TIAM1: variants seen among roughly 807,000 people sequenced by gnomAD.
TIAM1 encodes the protein TIAM Rac1 associated GEF 1.
Under a neutral mutation model 163.5 loss-of-function variants are expected in TIAM1, and 65 were observed. The ratio of observed to expected loss-of-function variants is 0.40; its 90% CI spans 0.33 to 0.49. The LOEUF (loss-of-function observed/expected upper bound fraction) is 0.49. Ranked by LOEUF, TIAM1 falls within the 20% of genes least tolerant of loss-of-function variation. The pLI is 0.77. For missense variants in TIAM1, 1,789 were observed against 2,044.7 expected (o/e 0.87, Z 2.41); for synonymous variants, 833 against 810.1 (o/e 1.03, Z -0.48).
chr21:31,138,481 C>T (rs2082709027), intron 22 of TIAM1, among the ~76,000 whole-genome samples: 1 of 152,220 alleles, frequency 6.6e-6, no homozygotes, highest in Non-Finnish European at 1.5e-5. Context: ...TCAATCCATT[C>T]TAGGCTGTTA....
chr21:31,136,089 C>G (rs1475009086), intron 22 of TIAM1, 48 bp from the exon 23 acceptor site: 12 of 1,476,548 alleles, frequency 8.1e-6, no homozygotes, highest in South Asian at 7.3e-5. Flanking sequence ...GTTATCAATA[C>G]TCAGATTTTC....
chr21:31,345,714 G>A (rs960853833), upstream of TIAM1, among the ~76,000 whole-genome samples: 1 of 152,188 alleles, frequency 6.6e-6, no homozygotes, highest in African/African-American at 2.4e-5. Flanking sequence ...ACTTCGGAAG[G>A]CTGAGGCAGG....
intron 2 of TIAM1, among the ~76,000 whole-genome samples, chr21:31,399,381 T>C (rs561987429): frequency 6.6e-6 from 1 of 152,296 alleles, no homozygotes; most frequent in Non-Finnish European, 1.5e-5. Flanking sequence ...GTTTTAAAAA[T>C]AATAAATTAA....
At chr21:31,420,340 TCTC>T (rs1353626064) in intron 2 of TIAM1, among the ~76,000 whole-genome samples, 2 of 152,134 alleles carry the variant, frequency 1.3e-5, no homozygotes, top group Admixed American at 1.3e-4. Flanking sequence ...ACCAGAGCCT[TCTC>T]CTCTTCTGTT....
At chr21:31,192,559 T>A (rs2085613922) in intron 13 of TIAM1, among the ~76,000 whole-genome samples, 1 of 151,792 alleles carries the variant, frequency 6.6e-6, no homozygotes, top group East Asian at 1.9e-4. Flanking sequence ...TGGAGTGAGC[T>A]GAGATCGCGC....
In TIAM1 at chr21:31,452,568, C is replaced by T. The variant is rs557399385; in HGVS notation, c.-369+11415G>A. The T allele has an allele frequency of 1.4e-4, 85 of 601,238 alleles. No homozygotes were observed. In the South Asian group the frequency reaches 1.4e-3, roughly 10 times the overall value. The allele number at this position is 601,238 out of a possible 1,614,324, so 37.2% of individuals were successfully genotyped here. The stretch of plus-strand genomic sequence containing the variant: ...CCGAGGGACACCTTCGTCACACAAA[C>T]TCTGTACTTCCTGGAATCGATATAG... On this transcript the variant is annotated intron_variant, in intron 2 of 28. Transcript: ENST00000286827.
At chr21:31,329,497 C>T (rs868060559) in intron 2 of TIAM1, among the ~76,000 whole-genome samples, 3 of 152,186 alleles carry the variant, frequency 2.0e-5, no homozygotes, top group South Asian at 2.1e-4. Context: ...CATTCAAATA[C>T]GACCAAATCC....
chr21:31,214,988 G>A (rs1036626803), intron 9 of TIAM1, among the ~76,000 whole-genome samples: 6 of 152,126 alleles, frequency 3.9e-5, no homozygotes, highest in African/African-American at 1.4e-4. Flanking sequence ...CTACTGGTAT[G>A]TTTATGGCTA....
intron 2 of TIAM1, among the ~76,000 whole-genome samples, chr21:31,362,511 G>A (rs1170232340): frequency 6.6e-6 from 1 of 151,134 alleles, no homozygotes; most frequent in Non-Finnish European, 1.5e-5. Context: ...TTGTCACCCA[G>A]GCTGGAGGGC....
At chr21:31,219,416 CCA>C (rs1038858795) in intron 8 of TIAM1, among the ~76,000 whole-genome samples, 1 of 152,130 alleles carries the variant, frequency 6.6e-6, no homozygotes, top group African/African-American at 2.4e-5. Context: ...TTGTAGATTC[CCA>C]CACAGGCAAC....
chr21:31,546,872 T>C (rs139411926), intron 1 of TIAM1, among the ~76,000 whole-genome samples: 53 of 152,278 alleles, frequency 3.5e-4, no homozygotes, highest in African/African-American at 1.2e-3. Flanking sequence ...ACCAAGACCA[T>C]ATCTTATACC....
At chr21:31,315,179 T>C (rs2075064255) in intron 2 of TIAM1, among the ~76,000 whole-genome samples, 1 of 152,046 alleles carries the variant, frequency 6.6e-6, no homozygotes, top group Non-Finnish European at 1.5e-5. Context: ...GAGACCAGAC[T>C]GACCAACATG....
At chr21:31,174,373 C>T (rs908182838) in intron 15 of TIAM1, among the ~76,000 whole-genome samples, 3 of 152,230 alleles carry the variant, frequency 2.0e-5, no homozygotes, top group Admixed American at 6.5e-5. Flanking sequence ...GTTCAACAAA[C>T]GCTGCTTAAT....
intron 13 of TIAM1, 127 bp from the exon 14 acceptor site, chr21:31,187,214 T>G (rs2085345023): frequency 1.2e-6 from 1 of 859,516 alleles, no homozygotes; most frequent in Admixed American, 2.2e-5. Context: ...TGATTGTTTT[T>G]TCTTGTTTTA....
chr21:31,467,421 T>A (rs969019419), intron 1 of TIAM1, among the ~76,000 whole-genome samples: 1 of 151,632 alleles, frequency 6.6e-6, no homozygotes, highest in South Asian at 2.1e-4. Context: ...TAATGAGGAG[T>A]TCGAGACCAG....
intron 2 of TIAM1, among the ~76,000 whole-genome samples, chr21:31,396,167 G>A (rs1042533668): frequency 6.6e-5 from 10 of 152,160 alleles, no homozygotes; most frequent in African/African-American, 2.4e-4. Flanking sequence ...AGTCTCTTAA[G>A]AGGAGTAGAG....
chr21:31,489,085 G>C (rs182252321), intron 1 of TIAM1, among the ~76,000 whole-genome samples: 2 of 151,716 alleles, frequency 1.3e-5, no homozygotes, highest in Admixed American at 6.6e-5. Flanking sequence ...AATAATAACT[G>C]TGGGCCGGGT....
rs771242243 is a variant in TIAM1, at chr21:31,195,282, A to G, written c.2517T>C (p.Cys839=). 2.5e-6 allele frequency: 4 copies of G among 1,613,240 alleles called. No individual in the cohort carries two copies. The highest frequency in any genetic ancestry group is 3.4e-6 in the Non-Finnish European group (4 of 1,179,428). The change falls in exon 13 of 28, where the codon TGT becomes TGC. Residue 839 remains cysteine, a synonymous_variant. Transcript: ENST00000541036. The stretch of plus-strand genomic sequence containing the variant: ...TGTGGATGCTCTGAGTGACTTTTGG[A>G]CAGATTTCAATTTCTTTGTACAGCT... The part of the protein sequence containing the change: ...YELLYKEIEI[C]PKVTQSIHIE...
chr21:31,358,634 G>A (rs527852197), intron 2 of TIAM1, among the ~76,000 whole-genome samples: 4 of 152,024 alleles, frequency 2.6e-5, no homozygotes, highest in Admixed American at 2.0e-4. Context: ...CGAATCAGTC[G>A]GAAAATTCTG....
Sources: gnomAD v4.1 joint callset for allele counts (sites outside exome capture counted in the v4.1 genomes callset) on GRCh38, gnomAD v4.1.1 for gene constraint, MANE v1.5 for transcripts, NCBI Gene and HGNC (gene_info 2026-07-23, HGNC 2026-07-21) for gene names.